PTGER3: variants seen among roughly 807,000 people sequenced by gnomAD.
The protein encoded by PTGER3 is prostaglandin E2 receptor EP3 subtype.
A neutral mutation model predicts 34.7 loss-of-function variants in PTGER3; 22 were observed. The observed-to-expected ratio is 0.63, with a 90% CI of 0.45 to 0.91. PTGER3 has a LOEUF of 0.91. PTGER3 is among the 40% of genes least tolerant of loss of function. The pLI is 0.00. For synonymous variants in PTGER3, 241 were observed against 230.1 expected (o/e 1.05, Z -0.43); for missense variants, 468 against 519.4 (o/e 0.90, Z 0.96).
chr1:70,871,703 A>G (rs1646166757), intron 4 of PTGER3, among the ~76,000 whole-genome samples: 1 of 152,292 alleles, frequency 6.6e-6, no homozygotes, highest in African/African-American at 2.4e-5. Context: ...TTTAATGTGA[A>G]TGCAAACCTT....
intron 4 of PTGER3, among the ~76,000 whole-genome samples, chr1:70,866,880 G>A (rs1213511820): frequency 6.6e-6 from 1 of 152,156 alleles, no homozygotes; most frequent in Non-Finnish European, 1.5e-5. Flanking sequence ...CAGCTTCTCT[G>A]CTCCGAATGC....
At chr1:70,906,133 T>G (rs988208088) in intron 4 of PTGER3, among the ~76,000 whole-genome samples, 3 of 152,200 alleles carry the variant, frequency 2.0e-5, no homozygotes, top group Non-Finnish European at 4.4e-5. Flanking sequence ...ACCATGATTC[T>G]GAGGCCTCCG....
chr1:71,031,066 T>G lies in PTGER3; in HGVS notation c.897+15615A>C, dbSNP rs1005059748. Among the ~76,000 whole-genome samples, 8 of 152,280 alleles carry G rather than the reference T, an allele frequency of 5.3e-5. No homozygotes were observed. In the East Asian group the frequency reaches 1.5e-3, roughly 29 times the overall value. On this transcript the variant is annotated intron_variant, in intron 1 of 3. Transcript: ENST00000306666. ...AACATGGGAATGAAAGGTAACAAACTCAAAAATTGTTGTGAAGATTAAATT... is the reference window on the plus strand; with the variant it reads ...AACATGGGAATGAAAGGTAACAAACGCAAAAATTGTTGTGAAGATTAAATT...
intron 2 of PTGER3, chr1:71,006,055 T>C: frequency 1.4e-5 from 9 of 665,006 alleles, no homozygotes; most frequent in Non-Finnish European, 1.7e-5. Flanking sequence ...TGTAACTGTA[T>C]ATTAGCATTA....
chr1:71,026,604 T>C (rs1305334468), intron 1 of PTGER3, among the ~76,000 whole-genome samples: 1 of 151,654 alleles, frequency 6.6e-6, no homozygotes, highest in Non-Finnish European at 1.5e-5. Context: ...GCTGCTTTTG[T>C]CTCTTCTATT....
At chr1:70,881,634 T>A (rs1307390032) in intron 4 of PTGER3, among the ~76,000 whole-genome samples, 1 of 152,152 alleles carries the variant, frequency 6.6e-6, no homozygotes, top group Non-Finnish European at 1.5e-5. Flanking sequence ...AGGGTTTGAT[T>A]GTGATTCTCA....
intron 2 of PTGER3, chr1:71,007,310 C>T: frequency 3.0e-6 from 3 of 985,734 alleles, no homozygotes; most frequent in Non-Finnish European, 2.4e-6. Context: ...AACAGGCTTA[C>T]ACTATTTGTA....
chr1:70,917,171 T>G (rs1647192598), intron 4 of PTGER3, among the ~76,000 whole-genome samples: 1 of 151,918 alleles, frequency 6.6e-6, no homozygotes, highest in Admixed American at 6.6e-5. Context: ...GACCAATCTT[T>G]CCTGGTCCCC....
chr1:70,970,260 C>G (rs572272606), downstream of PTGER3, among the ~76,000 whole-genome samples: 1 of 152,248 alleles, frequency 6.6e-6, no homozygotes, highest in South Asian at 2.1e-4. Context: ...GACAGCTAGT[C>G]ACACAGGTGA....
chr1:70,869,640 A>T (rs1646120933), intron 4 of PTGER3, among the ~76,000 whole-genome samples: 1 of 152,320 alleles, frequency 6.6e-6, no homozygotes, highest in South Asian at 2.1e-4. Flanking sequence ...CCAAAGGGGG[A>T]AAATTGGCCA....
chr1:70,978,448 C>CA (rs534188413), intron 2 of PTGER3, among the ~76,000 whole-genome samples: 1 of 151,834 alleles, frequency 6.6e-6, no homozygotes, highest in African/African-American at 2.4e-5. Flanking sequence ...ATAAGCAAAA[C>CA]AAAAAATTAA....
intron 2 of PTGER3, among the ~76,000 whole-genome samples, chr1:70,979,639 T>C (rs1051391738): frequency 1.3e-5 from 2 of 152,148 alleles, no homozygotes; most frequent in African/African-American, 4.8e-5. Context: ...CCTTCCTTTC[T>C]TATCTTTCCT....
intron 2 of PTGER3, among the ~76,000 whole-genome samples, chr1:70,994,293 G>A (rs575849341): frequency 6.6e-6 from 1 of 152,288 alleles, no homozygotes; most frequent in Admixed American, 6.5e-5. Flanking sequence ...CTCCAATGGT[G>A]ACACCAAGGG....
At chr1:70,934,735 T>C (rs919446069) in intron 4 of PTGER3, among the ~76,000 whole-genome samples, 2 of 152,164 alleles carry the variant, frequency 1.3e-5, no homozygotes, top group African/African-American at 4.8e-5. Context: ...GTGAGTGTGA[T>C]AGTTACATAA....
chr1:70,865,772 CG>C (rs770051855), intron 4 of PTGER3: 1 of 1,367,032 alleles, frequency 7.3e-7, no homozygotes, highest in South Asian at 1.1e-5. Context: ...CAAGAACCAA[CG>C]GAAGGGCTGA....
intron 4 of PTGER3, among the ~76,000 whole-genome samples, chr1:70,935,672 A>ATATATATATATATATATATAT (rs59431299): frequency 3.1e-4 from 43 of 140,200 alleles, no homozygotes; most frequent in African/African-American, 1.0e-3. Flanking sequence ...TACAAATATA[A>ATATATATATATATATATATAT]ATATATATAT....
intron 4 of PTGER3, among the ~76,000 whole-genome samples, chr1:70,870,220 C>T (rs989149736): frequency 6.6e-6 from 1 of 152,146 alleles, no homozygotes; most frequent in Non-Finnish European, 1.5e-5. Flanking sequence ...TACTCCTGGG[C>T]CCCTTTGAGC....
At chr1:71,027,020 G>A (rs576806664) in intron 1 of PTGER3, among the ~76,000 whole-genome samples, 1 of 152,270 alleles carries the variant, frequency 6.6e-6, no homozygotes, top group South Asian at 2.1e-4. Flanking sequence ...TCCTTAACGT[G>A]TGAACCCAGT....
At chr1:70,869,168 A>G in intron 4 of PTGER3, 1 of 407,512 alleles carries the variant, frequency 2.5e-6, no homozygotes, top group Non-Finnish European at 4.9e-6. Context: ...AGCAAGAGCA[A>G]GAGAGACTGT....
Sources: allele counts gnomAD v4.1 joint callset (sites outside exome capture counted in the v4.1 genomes callset), GRCh38; gene constraint gnomAD v4.1.1; transcripts MANE v1.5; gene names NCBI Gene and HGNC (gene_info 2026-07-23, HGNC 2026-07-21).